The following DOCK11 variants were observed in gnomAD, a reference collection of about 807,000 sequenced individuals.
DOCK11 encodes the protein dedicator of cytokinesis 11.
Under a neutral mutation model 169.1 loss-of-function variants are expected in DOCK11, and 70 were observed. That is an observed-to-expected ratio of 0.41 (90% CI 0.34 to 0.51). The LOEUF is 0.51. Among genes scored for constraint, DOCK11 ranks in the 20% least tolerant of loss-of-function variants. The probability of loss-of-function intolerance (pLI) is 0.10; values close to 1 mark genes in which losing one functional copy is unlikely to be tolerated. For missense variants in DOCK11, 1,166 were observed against 1,538.8 expected (o/e 0.76, Z 4.05); for synonymous variants, 529 against 541.3 (o/e 0.98, Z 0.32).
Position 118,671,024 on chromosome X carries a change from A to C in DOCK11, c.5078A>C (p.Glu1693Ala). Residue 1693 changes from glutamate (E) to alanine (A), a missense_variant and splice_region_variant, in exon 46 of 53, where the codon GAG becomes GCG. Coordinates refer to ENST00000276202, the MANE Select transcript of DOCK11 (RefSeq NM_144658.4). ...AGMMDVHYSEEVLLELLEQCV... is the reference protein window; with the variant it reads ...AGMMDVHYSEAVLLELLEQCV... Reference sequence around the variant, plus strand: ...AATTGGATTTTTCTCTTAATGCAGGAGGTCTTGCTGGAGTTGCTAGAACAA... The same window carrying C: ...AATTGGATTTTTCTCTTAATGCAGGCGGTCTTGCTGGAGTTGCTAGAACAA... 1 of 1,178,402 alleles carries C rather than the reference A, an allele frequency of 8.5e-7. No individual in the cohort carries two copies. The highest frequency in any genetic ancestry group is 1.1e-6 in the Non-Finnish European group (1 of 876,050).
chrX:118,497,241 C>G (rs975779244), intron 1 of DOCK11, among the ~76,000 whole-genome samples: 1 of 111,637 alleles, frequency 9.0e-6, no homozygotes, highest in Non-Finnish European at 1.9e-5. Context: ...CGGAAGGGAA[C>G]TTCACAGCTT....
At chrX:118,681,936 C>T in intron 51 of DOCK11, 142 bp downstream of exon 51, 1 of 389,924 alleles carries the variant, frequency 2.6e-6, no homozygotes, top group Non-Finnish European at 4.3e-6. Flanking sequence ...TAAGTGACCT[C>T]CTAATGGCAC....
At chrX:118,640,499 C>T (rs2015502154) in intron 38 of DOCK11, among the ~76,000 whole-genome samples, 1 of 112,308 alleles carries the variant, frequency 8.9e-6, no homozygotes, top group Non-Finnish European at 1.9e-5. Context: ...AAACAAATGT[C>T]ATATAATTGG....
intron 40 of DOCK11, among the ~76,000 whole-genome samples, chrX:118,648,127 A>ACAATT (rs2015826058): frequency 1.3e-5 from 1 of 77,247 alleles, no homozygotes; most frequent in Non-Finnish European, 2.3e-5. Flanking sequence ...TTGTAATATT[A>ACAATT]TATAATATAA....
intron 47 of DOCK11, among the ~76,000 whole-genome samples, chrX:118,676,318 A>G (rs1432188724): frequency 8.9e-6 from 1 of 111,831 alleles, no homozygotes; most frequent in Non-Finnish European, 1.9e-5. Flanking sequence ...ACTTTTAAAT[A>G]AAAAACAGGT....
intron 32 of DOCK11, among the ~76,000 whole-genome samples, chrX:118,625,054 C>T (rs2015067999): frequency 9.0e-6 from 1 of 110,953 alleles, no homozygotes. Context: ...GCCACCGTGC[C>T]CAGCCAAGAG....
chrX:118,589,332 C>T (rs993047119), intron 18 of DOCK11, among the ~76,000 whole-genome samples: 18 of 111,717 alleles, frequency 1.6e-4, no homozygotes, highest in Non-Finnish European at 3.0e-4. Flanking sequence ...TCTATTTCCT[C>T]CATGCAATAT....
chrX:118,593,909 A>G (rs939976442), intron 20 of DOCK11, among the ~76,000 whole-genome samples: 1 of 112,266 alleles, frequency 8.9e-6, no homozygotes, highest in African/African-American at 3.2e-5. Flanking sequence ...TGCTTAGACT[A>G]CTATAAGCAA....
At chrX:118,614,812 C>A in intron 29 of DOCK11, 37 bp downstream of exon 29, 2 of 950,621 alleles carry the variant, frequency 2.1e-6, no homozygotes, top group Non-Finnish European at 3.0e-6. Flanking sequence ...GGATGTCAGA[C>A]ATCTGAGCAT....
At chrX:118,639,397 T>C in intron 37 of DOCK11, 38 bp from the exon 38 acceptor site, 1 of 1,192,043 alleles carries the variant, frequency 8.4e-7, no homozygotes, top group Non-Finnish European at 1.1e-6. Flanking sequence ...GATATGTTAT[T>C]AGAGCACTCC....
chrX:118,547,718 A>G (rs1178295256), intron 6 of DOCK11, among the ~76,000 whole-genome samples: 1 of 112,784 alleles, frequency 8.9e-6, no homozygotes, highest in Non-Finnish European at 1.9e-5. Flanking sequence ...GCTCTTAACC[A>G]GTATACTATC....
chrX:118,578,354 A>G (rs759733076), intron 12 of DOCK11, among the ~76,000 whole-genome samples, 171 bp from the exon 13 acceptor site: 1 of 112,105 alleles, frequency 8.9e-6, no homozygotes, highest in East Asian at 2.8e-4. Context: ...CCATTTTGAA[A>G]GGAACGTTGG....
rs1436837389 is a variant in DOCK11, at chrX:118,516,004, A to ACT, written c.102+19931_102+19932insCT. On this transcript the variant is annotated intron_variant, in intron 1 of 52. Transcript: ENST00000276202. ...ATGTTCAAAAGTAAGGATTTGGGCA[A>ACT]ATATATATATATATACATTCTTACA... Among the ~76,000 whole-genome samples the ACT allele has an allele frequency of 2.3e-3, 105 of 44,925 alleles. 8 individuals are homozygous for ACT. Among genetic ancestry groups the ACT allele is most frequent in the South Asian group, 7.9e-3 (4 of 505 alleles). 39.0% of individuals were successfully genotyped at this position (44,925 alleles called of 115,157 possible). A position where few individuals can be genotyped will look rare whatever the true frequency, so the allele number is the denominator to read the frequency against.
chrX:118,563,490 G>C (rs1276656190), intron 7 of DOCK11, among the ~76,000 whole-genome samples: 4 of 108,204 alleles, frequency 3.7e-5, no homozygotes, highest in African/African-American at 1.4e-4. Flanking sequence ...TAACAAATGA[G>C]AAAACACTTT....
At chrX:118,597,690 A>G in intron 21 of DOCK11, 138 bp downstream of exon 21, 1 of 663,245 alleles carries the variant, frequency 1.5e-6, no homozygotes. Context: ...AAAGATAAAC[A>G]TGGAATGTGC....
intron 1 of DOCK11, among the ~76,000 whole-genome samples, chrX:118,515,016 AG>A (rs1413102706): frequency 9.0e-6 from 1 of 111,691 alleles, no homozygotes; most frequent in African/African-American, 3.3e-5. Context: ...ATTTTAGGAA[AG>A]GATCATTTAT....
intron 1 of DOCK11, among the ~76,000 whole-genome samples, chrX:118,498,287 T>C (rs1214302971): frequency 8.9e-6 from 1 of 112,766 alleles, no homozygotes; most frequent in African/African-American, 3.2e-5. Context: ...TTTTTCTTCA[T>C]TTGTTTTCAT....
At chrX:118,499,972 T>C (rs1197912465) in intron 1 of DOCK11, among the ~76,000 whole-genome samples, 1 of 111,503 alleles carries the variant, frequency 9.0e-6, no homozygotes, top group Non-Finnish European at 1.9e-5. Context: ...TTTCTGAGAC[T>C]AACATGTTAA....
intron 1 of DOCK11, among the ~76,000 whole-genome samples, chrX:118,518,393 C>T (rs761939422): frequency 1.8e-5 from 2 of 111,385 alleles, no homozygotes; most frequent in East Asian, 5.6e-4. Flanking sequence ...TACTATATGT[C>T]TCTTTTTCTT....
Sources: allele counts gnomAD v4.1 joint callset (sites outside exome capture counted in the v4.1 genomes callset), GRCh38; gene constraint gnomAD v4.1.1; transcripts MANE v1.5; gene names NCBI Gene and HGNC (gene_info 2026-07-23, HGNC 2026-07-21).